The following TBL1X variants were observed in gnomAD, a reference collection of about 807,000 sequenced individuals.
TBL1X encodes F-box-like/WD repeat-containing protein TBL1X.
Under a neutral mutation model 50.7 loss-of-function variants are expected in TBL1X, and 10 were observed. The ratio of observed to expected loss-of-function variants is 0.20; its 90% confidence interval spans 0.12 to 0.33. The LOEUF is 0.33. TBL1X is among the 10% of genes least tolerant of loss of function. The pLI, the probability that TBL1X is intolerant of heterozygous loss-of-function variation, is 1.00. For missense variants in TBL1X, 340 were observed against 504.4 expected, an observed-to-expected ratio of 0.67 and a Z score of 3.12; for synonymous variants, 190 against 214.7, an observed-to-expected ratio of 0.88 and a Z score of 1.01.
chrX:9,614,600 A>C (rs2082630698), intron 2 of TBL1X, among the ~76,000 whole-genome samples: 1 of 111,813 alleles, frequency 8.9e-6, no homozygotes, highest in African/African-American at 3.3e-5. Flanking sequence ...AAGAGAAGTC[A>C]AGGCTCATCT....
At chrX:9,555,696 G>A (rs141446771) in intron 2 of TBL1X, among the ~76,000 whole-genome samples, 76 of 111,616 alleles carry the variant, frequency 6.8e-4, no homozygotes, top group Middle Eastern at 4.6e-3. Context: ...CTATATCCTC[G>A]CCAACACTTG....
chrX:9,576,039 T>C (rs2082409828), intron 2 of TBL1X, among the ~76,000 whole-genome samples: 1 of 111,961 alleles, frequency 8.9e-6, no homozygotes, highest in Non-Finnish European at 1.9e-5. Flanking sequence ...TATCAAAGTA[T>C]TATAAGAAGG....
chrX:9,480,031 A>G (rs1318594198), intron 1 of TBL1X, among the ~76,000 whole-genome samples: 4 of 106,789 alleles, frequency 3.7e-5, no homozygotes, highest in African/African-American at 1.4e-4. Context: ...GCTCACCGCA[A>G]CCTCCGCCTC....
chrX:9,475,424 T>C (rs965597745), intron 1 of TBL1X, among the ~76,000 whole-genome samples: 7 of 109,964 alleles, frequency 6.4e-5, no homozygotes, highest in African/African-American at 2.3e-4. Flanking sequence ...TGTTTTATTT[T>C]TAGTAGAGAT....
Position 9,709,597 on chromosome X carries a change from G to A in TBL1X, c.1312-36G>A, listed in dbSNP as rs533845185. 1.7e-5 allele frequency: 21 copies of A among 1,202,276 alleles called. No individual in the cohort carries two copies. In the East Asian group the frequency reaches 5.9e-4, roughly 34 times the overall value. On this transcript the variant is annotated intron_variant, in intron 14 of 17. Coordinates refer to ENST00000645353, the MANE Select transcript of TBL1X (RefSeq NM_005647.4). ...CCACATCGTTCCCGGATGCAGGAATGGCTTTTGCTCATGTTGTGTCTGGTG... is the reference window on the plus strand; with the variant it reads ...CCACATCGTTCCCGGATGCAGGAATAGCTTTTGCTCATGTTGTGTCTGGTG...
chrX:9,649,942 C>T (rs2082824547), intron 3 of TBL1X, among the ~76,000 whole-genome samples: 1 of 111,723 alleles, frequency 9.0e-6, no homozygotes, highest in South Asian at 3.8e-4. Flanking sequence ...GCATGTGCTA[C>T]CATACTTTGC....
intron 2 of TBL1X, among the ~76,000 whole-genome samples, chrX:9,603,411 A>C (rs2082566557): frequency 8.9e-6 from 1 of 112,859 alleles, no homozygotes; most frequent in Non-Finnish European, 1.9e-5. Context: ...TAGCAGTTGC[A>C]TACACAGATG....
At chrX:9,681,555 A>G (rs1166732682) in intron 5 of TBL1X, among the ~76,000 whole-genome samples, 1 of 112,543 alleles carries the variant, frequency 8.9e-6, no homozygotes, top group African/African-American at 3.2e-5. Flanking sequence ...TTCACAGAGC[A>G]TGTGACTGCA....
At chrX:9,582,191 G>C (rs2082446278) in intron 2 of TBL1X, among the ~76,000 whole-genome samples, 1 of 112,128 alleles carries the variant, frequency 8.9e-6, no homozygotes, top group Admixed American at 9.4e-5. Context: ...CTTAATTACT[G>C]CTTCAGAGCT....
intron 3 of TBL1X, among the ~76,000 whole-genome samples, chrX:9,640,900 G>A (rs912817035): frequency 1.8e-5 from 2 of 111,697 alleles, no homozygotes; most frequent in African/African-American, 6.5e-5. Context: ...CAAAGTGCTG[G>A]GATTACAAGT....
intron 3 of TBL1X, among the ~76,000 whole-genome samples, chrX:9,647,950 G>A (rs1019818630): frequency 3.6e-5 from 4 of 111,529 alleles, no homozygotes; most frequent in Non-Finnish European, 5.7e-5. Flanking sequence ...TCTGTGCATC[G>A]GGCTCTGCAT....
chrX:9,710,615 A>T (rs1174356696), intron 15 of TBL1X, among the ~76,000 whole-genome samples: 1 of 112,645 alleles, frequency 8.9e-6, no homozygotes, highest in African/African-American at 3.2e-5. Context: ...GTCCCTGTTG[A>T]AAGAAAGCAA....
rs151224944 is a variant in TBL1X at position 9,690,760 on chromosome X, T to C, written c.617-819T>C. On this transcript the variant is annotated intron_variant, in intron 7 of 17. Transcript: ENST00000645353. The stretch of plus-strand genomic sequence containing the variant: ...GTTAGCTGGCCCCAGTTACAAAAAA[T>C]AACTGTCACCCAGGCTGGGGTACAG... Among the ~76,000 whole-genome samples, 733 of 111,594 alleles carry C rather than the reference T, an allele frequency of 6.6e-3. 7 individuals carry two copies. The highest frequency in any genetic ancestry group is 0.023 in the African/African-American group (694 of 30,724).
intron 16 of TBL1X, among the ~76,000 whole-genome samples, chrX:9,713,963 T>C (rs2083263757): frequency 9.0e-6 from 1 of 110,511 alleles, no homozygotes; most frequent in African/African-American, 3.3e-5. Flanking sequence ...ATTCGACTCT[T>C]TCTCTCTTTT....
intron 5 of TBL1X, among the ~76,000 whole-genome samples, chrX:9,673,781 G>C (rs1215141355): frequency 8.9e-6 from 1 of 112,069 alleles, no homozygotes; most frequent in African/African-American, 3.2e-5. Flanking sequence ...AATAAATTGG[G>C]GGCTAGGTGC....
chrX:9,478,873 C>A (rs1242211527), intron 1 of TBL1X, among the ~76,000 whole-genome samples: 1 of 112,448 alleles, frequency 8.9e-6, no homozygotes, highest in Non-Finnish European at 1.9e-5. Context: ...TAATCCATCC[C>A]CTTAGTTAAG....
intron 2 of TBL1X, among the ~76,000 whole-genome samples, chrX:9,568,325 T>C (rs2082362583): frequency 9.2e-6 from 1 of 109,280 alleles, no homozygotes; most frequent in Admixed American, 9.7e-5. Context: ...TGTGTGTCTC[T>C]GGCGGGCTGT....
intron 2 of TBL1X, among the ~76,000 whole-genome samples, chrX:9,587,692 C>A (rs1482800945): frequency 1.8e-5 from 2 of 111,185 alleles, no homozygotes; most frequent in African/African-American, 3.3e-5. Flanking sequence ...GTGCACAGTT[C>A]AGAGGTTTTT....
chrX:9,709,400 C>G, intron 14 of TBL1X, 78 bp downstream of exon 14: 1 of 1,079,381 alleles, frequency 9.3e-7, no homozygotes, highest in Non-Finnish European at 1.3e-6. Flanking sequence ...CACGGTCACT[C>G]TTACATGAGG....
Sources: gnomAD v4.1 joint callset for allele counts (sites outside exome capture counted in the v4.1 genomes callset) on GRCh38, gnomAD v4.1.1 for gene constraint, MANE v1.5 for transcripts, NCBI Gene and HGNC (gene_info 2026-07-23, HGNC 2026-07-21) for gene names.